Variants in TSPEAR observed in about 807,000 individuals in gnomAD.
TSPEAR encodes thrombospondin-type laminin G domain and EAR repeat-containing protein.
In TSPEAR, 69 loss-of-function variants were observed where a neutral mutation model predicts 71.6. The ratio of observed to expected loss-of-function variants is 0.96; its 90% CI spans 0.79 to 1.18. The LOEUF is 1.18. Ranked by LOEUF, TSPEAR falls within the 50% of genes most tolerant of loss-of-function variation. The pLI is 0.00. For missense variants in TSPEAR, 971 were observed against 894.9 expected (o/e 1.09, Z -1.09); for synonymous variants, 402 against 387.2 (o/e 1.04, Z -0.45).
chr21:44,682,803 T>A (rs532591886), intron 1 of TSPEAR, among the ~76,000 whole-genome samples: 1 of 152,106 alleles, frequency 6.6e-6, no homozygotes, highest in Non-Finnish European at 1.5e-5. Context: ...CAGAATACAG[T>A]GACCCAACTC....
intron 1 of TSPEAR, among the ~76,000 whole-genome samples, chr21:44,708,242 G>A (rs1555952901): frequency 6.6e-6 from 1 of 152,066 alleles, no homozygotes; most frequent in African/African-American, 2.4e-5. Context: ...TGGGCCCCCT[G>A]GACAGAGGAC....
intron 1 of TSPEAR, chr21:44,654,451 C>G (rs1555942132): frequency 6.2e-7 from 1 of 1,614,062 alleles, no homozygotes; most frequent in South Asian, 1.1e-5. Context: ...TGGCTGGCAG[C>G]AGGTGGATAC....
intron 11 of TSPEAR, among the ~76,000 whole-genome samples, chr21:44,502,077 G>A (rs587670535): frequency 1.3e-5 from 2 of 152,322 alleles, no homozygotes; most frequent in East Asian, 3.9e-4. Context: ...TCACCAAGTG[G>A]CATCGGGTCT....
Position 44,647,256 on chromosome 21 carries a change from C to T in TSPEAR, c.82+64177G>A, listed in dbSNP as rs587660459. On this transcript the variant is annotated intron_variant, in intron 1 of 11. Coordinates refer to ENST00000323084, the MANE Select transcript of TSPEAR (RefSeq NM_144991.3). ...CCCCCACCTCCTCCTGCCAGTCCAG[C>T]TGCTGCCGCCCGGCCTCCTGCGTGT... The T allele has an allele frequency of 7.5e-5, 120 of 1,602,898 alleles. No homozygotes were observed. The South Asian group carries it at 1.2e-3, about 16-fold the overall frequency.
At chr21:44,685,490 T>G (rs1292483384) in intron 1 of TSPEAR, among the ~76,000 whole-genome samples, 1 of 151,990 alleles carries the variant, frequency 6.6e-6, no homozygotes, top group Non-Finnish European at 1.5e-5. Flanking sequence ...GAACCAGACA[T>G]GAGTAGCTCA....
intron 1 of TSPEAR, chr21:44,627,727 G>A (rs781935623): frequency 1.9e-6 from 3 of 1,594,582 alleles, no homozygotes; most frequent in South Asian, 1.1e-5. Flanking sequence ...CTGTGTGCCT[G>A]TCTGCTGTAA....
chr21:44,663,859 G>A (rs587707219), intron 1 of TSPEAR, among the ~76,000 whole-genome samples: 4 of 152,198 alleles, frequency 2.6e-5, no homozygotes, highest in South Asian at 2.1e-4. Flanking sequence ...TAAAGAGGAA[G>A]CACCATATTA....
intron 1 of TSPEAR, among the ~76,000 whole-genome samples, chr21:44,689,689 C>A: frequency 1.2e-5 from 1 of 80,950 alleles, no homozygotes; most frequent in Non-Finnish European, 2.4e-5. Context: ...ATTAGGGTTC[C>A]CTTAGAGGGA....
At chr21:44,682,492 G>A (rs1374106069) in intron 1 of TSPEAR, among the ~76,000 whole-genome samples, 2 of 152,174 alleles carry the variant, frequency 1.3e-5, no homozygotes, top group African/African-American at 2.4e-5. Context: ...TCCTCGAACC[G>A]CAACTTCTGT....
intron 2 of TSPEAR, chr21:44,551,639 G>T (rs587630893): frequency 3.9e-5 from 33 of 840,696 alleles, no homozygotes; most frequent in Non-Finnish European, 5.6e-5. Context: ...GTTTGGAGCC[G>T]GGAGGACCCT....
At chr21:44,558,135 C>A in intron 2 of TSPEAR, 1 of 1,612,326 alleles carries the variant, frequency 6.2e-7, no homozygotes, top group Non-Finnish European at 8.5e-7. Flanking sequence ...GAGGGACACG[C>A]AGGAGGCCGG....
intron 1 of TSPEAR, among the ~76,000 whole-genome samples, chr21:44,662,922 T>C (rs1322163594): frequency 3.3e-5 from 5 of 151,980 alleles, no homozygotes; most frequent in Non-Finnish European, 7.4e-5. Flanking sequence ...TAAATACAAA[T>C]TAAAAGACAA....
At chr21:44,646,989 T>A in intron 1 of TSPEAR, 1 of 1,613,574 alleles carries the variant, frequency 6.2e-7, no homozygotes, top group Non-Finnish European at 8.5e-7. Flanking sequence ...GCCAGCCAGC[T>A]TGCTGCACCT....
chr21:44,658,278 C>T, intron 1 of TSPEAR: 1 of 1,612,612 alleles, frequency 6.2e-7, no homozygotes, highest in Middle Eastern at 1.7e-4. Flanking sequence ...TGACCAGCTG[C>T]TCCTGGTACA....
intron 6 of TSPEAR, among the ~76,000 whole-genome samples, chr21:44,527,892 C>G (rs1390558580): frequency 1.3e-5 from 2 of 152,176 alleles, no homozygotes; most frequent in African/African-American, 4.8e-5. Flanking sequence ...CATCTATCGC[C>G]ACCTCCACTC....
intron 1 of TSPEAR, among the ~76,000 whole-genome samples, chr21:44,660,808 A>G (rs1230873043): frequency 1.3e-5 from 2 of 151,976 alleles, no homozygotes; most frequent in Non-Finnish European, 2.9e-5. Flanking sequence ...CCCTACTAAA[A>G]ATACAAAAAT....
In TSPEAR at chr21:44,702,874, G is replaced by A. The variant is rs566879328; in HGVS notation, c.82+8559C>T. The A allele has an allele frequency of 2.3e-4, 169 of 748,268 alleles. 1 individual carries two copies. The highest frequency in any genetic ancestry group is 6.2e-4 in the Admixed American group (26 of 41,968). The allele number at this position is 748,268 out of a possible 1,614,324, so 46.4% of individuals were successfully genotyped here. On this transcript the variant is annotated intron_variant, in intron 1 of 11. Transcript: ENST00000323084. ...TCCCACTGCTGACCTCTCAGCACACGCACTAGTACACACCGCACTGGTACA... is the reference window on the plus strand; with the variant it reads ...TCCCACTGCTGACCTCTCAGCACACACACTAGTACACACCGCACTGGTACA...
rs1267290465 is a variant in TSPEAR, at chr21:44,586,456, T to TA, written c.83-18452dup. 5.2e-3 allele frequency among the ~76,000 whole-genome samples: 788 copies of TA among 152,122 alleles called. 8 individuals are homozygous for TA. The highest frequency in any genetic ancestry group is 0.018 in the African/African-American group (753 of 41,478). ...AGCCCAAACAGAGGGCTTAGGCTTT[T>TA]AAAAAAAATTTACCAAGAGAAAATT... is the stretch of plus-strand genomic sequence containing the variant. On this transcript the variant is annotated intron_variant, in intron 1 of 11. Transcript: ENST00000323084.
At chr21:44,569,913 G>C (rs187071196) in intron 1 of TSPEAR, among the ~76,000 whole-genome samples, 1 of 152,102 alleles carries the variant, frequency 6.6e-6, no homozygotes, top group Non-Finnish European at 1.5e-5. Context: ...TCAGGCTGGC[G>C]GAGGTTGGGG....
Sources: gnomAD v4.1 joint callset for allele counts (sites outside exome capture counted in the v4.1 genomes callset) on GRCh38, gnomAD v4.1.1 for gene constraint, MANE v1.5 for transcripts, NCBI Gene and HGNC (gene_info 2026-07-23, HGNC 2026-07-21) for gene names.